The following CSMD1 variants were observed in gnomAD, a reference collection of about 807,000 sequenced individuals.
The protein encoded by CSMD1 is CUB and sushi domain-containing protein 1.
A neutral mutation model predicts 417.5 loss-of-function variants in CSMD1; 213 were observed. The observed-to-expected ratio is 0.51, with a 90% confidence interval of 0.46 to 0.57. The LOEUF (loss-of-function observed/expected upper bound fraction) is 0.57, where lower values mean the gene tolerates loss of function less well. CSMD1 is among the 20% of genes least tolerant of loss of function. CSMD1 has a pLI of 0.00. For missense variants in CSMD1, 6,923 were observed against 4,529.7 expected (o/e 1.53, Z -15.17); for synonymous variants, 2,862 against 1,736.8 (o/e 1.65, Z -16.11).
chr8:3,614,690 G>C, intron 8 of CSMD1, among the ~76,000 whole-genome samples: 1 of 152,140 alleles, frequency 6.6e-6, no homozygotes, highest in Non-Finnish European at 1.5e-5. Context: ...CTAGGTTTCT[G>C]GGATGACAGG....
chr8:2,942,355 A>G, intron 69 of CSMD1, 117 bp downstream of exon 69: 2 of 911,534 alleles, frequency 2.2e-6, no homozygotes, highest in South Asian at 2.4e-5. Flanking sequence ...AAAAAAAAAA[A>G]GAACATTGCA....
intron 1 of CSMD1, among the ~76,000 whole-genome samples, chr8:4,785,830 C>G (rs924467828): frequency 6.6e-6 from 1 of 152,160 alleles, no homozygotes; most frequent in African/African-American, 2.4e-5. Context: ...GAAACTGTCA[C>G]TTGGAAATGA....
intron 2 of CSMD1, among the ~76,000 whole-genome samples, chr8:4,510,389 C>CAAAAAAAAAAAAAAAAAAAAA (rs1563243981): frequency 1.8e-4 from 2 of 10,960 alleles, no homozygotes; most frequent in African/African-American, 8.3e-4. Context: ...AGCATAATGC[C>CAAAAAAAAAAAAAAAAAAAAA]TAAAAAAAAA....
intron 9 of CSMD1, among the ~76,000 whole-genome samples, chr8:3,581,138 G>A (rs562677985): frequency 2.0e-5 from 3 of 152,006 alleles, no homozygotes; most frequent in Admixed American, 6.6e-5. Context: ...TACATAAATC[G>A]CCCCTAAAGA....
intron 52 of CSMD1, among the ~76,000 whole-genome samples, chr8:3,001,571 CT>C (rs1807409000): frequency 6.6e-6 from 1 of 152,140 alleles, no homozygotes; most frequent in African/African-American, 2.4e-5. Context: ...ATCAACATTT[CT>C]TTTTGCTTAA....
intron 2 of CSMD1, among the ~76,000 whole-genome samples, chr8:4,496,967 C>T (rs959746377): frequency 2.0e-5 from 3 of 152,076 alleles, no homozygotes; most frequent in East Asian, 3.9e-4. Context: ...GCTTACAAAG[C>T]TACAAAACGA....
chr8:4,824,154 T>C (rs1046050029), intron 1 of CSMD1, among the ~76,000 whole-genome samples: 4 of 151,356 alleles, frequency 2.6e-5, no homozygotes, highest in Non-Finnish European at 4.4e-5. Context: ...GGAAAAACAA[T>C]TGATGCCTAT....
intron 3 of CSMD1, among the ~76,000 whole-genome samples, chr8:4,248,133 G>A (rs1022163819): frequency 6.6e-6 from 1 of 151,680 alleles, no homozygotes; most frequent in African/African-American, 2.4e-5. Context: ...TAAACAAATG[G>A]GCTATTTTGT....
At chr8:4,352,573 T>A (rs1343787280) in intron 3 of CSMD1, among the ~76,000 whole-genome samples, 1 of 152,258 alleles carries the variant, frequency 6.6e-6, no homozygotes, top group Non-Finnish European at 1.5e-5. Context: ...ATTTTCCATG[T>A]AACTTCATTT....
chr8:3,533,704 C>A (rs1437095745), intron 10 of CSMD1, among the ~76,000 whole-genome samples: 1 of 152,184 alleles, frequency 6.6e-6, no homozygotes, highest in Non-Finnish European at 1.5e-5. Context: ...CGTGCCTCCA[C>A]CGTGATGTAT....
intron 1 of CSMD1, among the ~76,000 whole-genome samples, chr8:4,950,898 G>T (rs1203549868): frequency 6.6e-6 from 1 of 151,866 alleles, no homozygotes; most frequent in African/African-American, 2.4e-5. Flanking sequence ...GCAAACAAAT[G>T]TACTTGTTTA....
At chr8:4,128,824 C>T (rs1011124341) in intron 3 of CSMD1, among the ~76,000 whole-genome samples, 2 of 152,200 alleles carry the variant, frequency 1.3e-5, no homozygotes, top group East Asian at 1.9e-4. Flanking sequence ...GGGTAAGTTT[C>T]GGGATTCATG....
At chr8:4,951,815 G>A (rs951395820) in intron 1 of CSMD1, among the ~76,000 whole-genome samples, 7 of 149,418 alleles carry the variant, frequency 4.7e-5, no homozygotes, top group African/African-American at 1.7e-4. Flanking sequence ...CTTCTCCTTT[G>A]CACAAGCTGC....
rs112383501 is a variant in CSMD1, at chr8:4,144,188, G to C, written c.416-112089C>G. On this transcript the variant is annotated intron_variant, in intron 3 of 69. Coordinates refer to ENST00000635120, the MANE Select transcript of CSMD1 (RefSeq NM_033225.6). Reference sequence around the variant, plus strand: ...GGGAAGACAGCACGAATTGGCCTTAGACCTCCTGCCCCTAGATCTTGGGCT... The same window carrying C: ...GGGAAGACAGCACGAATTGGCCTTACACCTCCTGCCCCTAGATCTTGGGCT... Among the ~76,000 whole-genome samples the C allele has an allele frequency of 1.1e-4, 16 of 151,006 alleles. 2 individuals carry two copies. The highest frequency in any genetic ancestry group is 3.5e-4 in the African/African-American group (14 of 40,352).
At chr8:3,920,769 C>T (rs1200914572) in intron 5 of CSMD1, among the ~76,000 whole-genome samples, 1 of 151,782 alleles carries the variant, frequency 6.6e-6, no homozygotes, top group Non-Finnish European at 1.5e-5. Context: ...TGGGGTATAT[C>T]CAATTTATTG....
chr8:4,038,151 G>C (rs1013180292), intron 3 of CSMD1, among the ~76,000 whole-genome samples: 1 of 152,082 alleles, frequency 6.6e-6, no homozygotes, highest in Admixed American at 6.5e-5. Flanking sequence ...GTGACACAAA[G>C]TTATAAATTT....
At chr8:4,391,931 A>G (rs527734089) in intron 3 of CSMD1, among the ~76,000 whole-genome samples, 1 of 152,322 alleles carries the variant, frequency 6.6e-6, no homozygotes, top group African/African-American at 2.4e-5. Flanking sequence ...GGCTCCCATG[A>G]AGAATACTGA....
At chr8:4,062,004 A>G (rs1344851181) in intron 3 of CSMD1, among the ~76,000 whole-genome samples, 1 of 152,126 alleles carries the variant, frequency 6.6e-6, no homozygotes, top group Admixed American at 6.5e-5. Flanking sequence ...CTGAGAGGTC[A>G]AGGTGTAGTG....
chr8:3,691,749 T>C (rs1055810153), intron 7 of CSMD1, among the ~76,000 whole-genome samples: 1 of 150,718 alleles, frequency 6.6e-6, no homozygotes, highest in Non-Finnish European at 1.5e-5. Context: ...TTTGAGAAAA[T>C]GAGGCTCAAT....
Sources: gnomAD v4.1 joint callset for allele counts (sites outside exome capture counted in the v4.1 genomes callset) on GRCh38, gnomAD v4.1.1 for gene constraint, MANE v1.5 for transcripts, NCBI Gene and HGNC (gene_info 2026-07-23, HGNC 2026-07-21) for gene names.